Variants in SPPL3 observed in about 807,000 individuals in gnomAD.
SPPL3 encodes signal peptide peptidase-like 3.
A neutral mutation model predicts 42.4 loss-of-function variants in SPPL3; 5 were observed. The ratio of observed to expected loss-of-function variants is 0.12; its 90% CI spans 0.06 to 0.25. The LOEUF (loss-of-function observed/expected upper bound fraction) is 0.25. SPPL3 is among the 10% of genes least tolerant of loss of function. SPPL3 has a pLI of 1.00. For missense variants in SPPL3, 235 were observed against 489.0 expected, an observed-to-expected ratio of 0.48 and a Z score of 4.90; for synonymous variants, 195 against 181.8, an observed-to-expected ratio of 1.07 and a Z score of -0.58.
At chr12:120,874,310 G>A (rs1429111118) in intron 1 of SPPL3, among the ~76,000 whole-genome samples, 1 of 151,784 alleles carries the variant, frequency 6.6e-6, no homozygotes, top group African/African-American at 2.4e-5. Context: ...AAAATTAGCT[G>A]GGCGTGGAGA....
chr12:120,873,536 C>T (rs185674186), intron 1 of SPPL3, among the ~76,000 whole-genome samples: 5 of 152,232 alleles, frequency 3.3e-5, no homozygotes, highest in African/African-American at 1.2e-4. Context: ...AAAAGAAAAA[C>T]TTCAAGTGTC....
chr12:120,768,494 G>C lies in SPPL3; in HGVS notation c.610-6C>G. ...ATGTAGGCTGAGAAAAATACCTGCC[G>C]AGTTGGAGAGATGCCTTTAACAGAG... On this transcript the variant is annotated splice_region_variant and splice_polypyrimidine_tract_variant and intron_variant, in intron 7 of 10. Transcript: ENST00000353487. 1 of 1,609,288 alleles carries C rather than the reference G, an allele frequency of 6.2e-7. No individual in the cohort carries two copies. The highest frequency in any genetic ancestry group is 8.5e-7 in the Non-Finnish European group (1 of 1,176,860).
At chr12:120,806,301 T>C (rs1870486264) in intron 2 of SPPL3, among the ~76,000 whole-genome samples, 1 of 150,690 alleles carries the variant, frequency 6.6e-6, no homozygotes, top group Non-Finnish European at 1.5e-5. Context: ...GGGGCTCAGG[T>C]GATCCTCCCA....
intron 1 of SPPL3, chr12:120,845,728 T>C: frequency 3.8e-6 from 1 of 261,686 alleles, no homozygotes; most frequent in Non-Finnish European, 8.1e-6. Context: ...AGGTACTGTT[T>C]TGCTCCCACC....
intron 1 of SPPL3, among the ~76,000 whole-genome samples, chr12:120,832,598 G>A (rs34076777): frequency 0.41 from 62,377 of 151,732 alleles, 14,407 homozygotes; most frequent in Middle Eastern, 0.56. Flanking sequence ...ACTTGAACCC[G>A]GAGGTTGCAG....
At chr12:120,873,656 T>G (rs1018401692) in intron 1 of SPPL3, among the ~76,000 whole-genome samples, 11 of 152,050 alleles carry the variant, frequency 7.2e-5, no homozygotes. Flanking sequence ...GGGTGGATCA[T>G]GAGGTCAGGA....
intron 6 of SPPL3, among the ~76,000 whole-genome samples, chr12:120,770,974 T>G (rs1361067531): frequency 2.0e-5 from 3 of 152,180 alleles, no homozygotes; most frequent in African/African-American, 7.2e-5. Flanking sequence ...CTTCCAATTG[T>G]GCAGACGGAA....
At chr12:120,805,686 C>T (rs1351664716) in intron 2 of SPPL3, among the ~76,000 whole-genome samples, 4 of 152,064 alleles carry the variant, frequency 2.6e-5, no homozygotes, top group Non-Finnish European at 4.4e-5. Flanking sequence ...GAGGTCAATA[C>T]ACAAAAATTA....
chr12:120,881,239 C>T (rs902009944), intron 1 of SPPL3, among the ~76,000 whole-genome samples: 6 of 151,434 alleles, frequency 4.0e-5, no homozygotes, highest in Admixed American at 1.3e-4. Context: ...GAGGCCGAGG[C>T]GGGAGGATCA....
chr12:120,810,123 T>C (rs10849793), intron 2 of SPPL3, among the ~76,000 whole-genome samples: 36,320 of 151,910 alleles, frequency 0.24, 5,533 homozygotes, highest in African/African-American at 0.42. Context: ...CCATAGGCAC[T>C]ACCACCATGC....
chr12:120,894,398 TATC>T (rs1393503686), intron 1 of SPPL3, among the ~76,000 whole-genome samples: 2 of 152,188 alleles, frequency 1.3e-5, no homozygotes, highest in Admixed American at 6.5e-5. Flanking sequence ...AGTCAAAGGC[TATC>T]AGGCAAAGCT....
chr12:120,903,002 A>G (rs1029859658), intron 1 of SPPL3, among the ~76,000 whole-genome samples: 1 of 152,082 alleles, frequency 6.6e-6, no homozygotes, highest in Non-Finnish European at 1.5e-5. Flanking sequence ...CCCATAAACT[A>G]CACAGTAGCT....
At chr12:120,880,357 T>G (rs1873240775) in intron 1 of SPPL3, among the ~76,000 whole-genome samples, 1 of 151,962 alleles carries the variant, frequency 6.6e-6, no homozygotes, top group South Asian at 2.1e-4. Flanking sequence ...TGACATTGGA[T>G]TTGGCAGATT....
At chr12:120,807,313 G>C (rs1298384636) in intron 2 of SPPL3, among the ~76,000 whole-genome samples, 1 of 151,908 alleles carries the variant, frequency 6.6e-6, no homozygotes, top group Non-Finnish European at 1.5e-5. Flanking sequence ...ACTAAAAAAT[G>C]GTTTAAATGG....
intron 1 of SPPL3, among the ~76,000 whole-genome samples, chr12:120,843,692 C>T (rs1871914452): frequency 6.6e-6 from 1 of 152,136 alleles, no homozygotes; most frequent in African/African-American, 2.4e-5. Context: ...GTGGCTGATG[C>T]CTGTAATTCC....
intron 2 of SPPL3, among the ~76,000 whole-genome samples, chr12:120,806,310 C>T (rs1224941299): frequency 6.6e-6 from 1 of 151,748 alleles, no homozygotes; most frequent in Non-Finnish European, 1.5e-5. Flanking sequence ...GTGATCCTCC[C>T]ACCTTAGCTC....
At chr12:120,855,998 C>T (rs1422972112) in intron 1 of SPPL3, among the ~76,000 whole-genome samples, 1 of 152,178 alleles carries the variant, frequency 6.6e-6, no homozygotes, top group African/African-American at 2.4e-5. Flanking sequence ...CAACAGAACT[C>T]TGTGATCATG....
At chr12:120,874,236 T>C (rs1188661262) in intron 1 of SPPL3, among the ~76,000 whole-genome samples, 1 of 152,042 alleles carries the variant, frequency 6.6e-6, no homozygotes, top group Non-Finnish European at 1.5e-5. Context: ...GCGAATCACC[T>C]GAGGCCAGGA....
chr12:120,847,480 A>T (rs1454189120), intron 1 of SPPL3, among the ~76,000 whole-genome samples: 1 of 151,528 alleles, frequency 6.6e-6, no homozygotes, highest in South Asian at 2.1e-4. Context: ...CTTTGTAGAG[A>T]CAAGGTTTCA....
Sources: gnomAD v4.1 joint callset for allele counts (sites outside exome capture counted in the v4.1 genomes callset) on GRCh38, gnomAD v4.1.1 for gene constraint, MANE v1.5 for transcripts, NCBI Gene and HGNC (gene_info 2026-07-23, HGNC 2026-07-21) for gene names.